CBFA2T3: variants seen among roughly 807,000 people sequenced by gnomAD.
CBFA2T3 encodes the protein transcriptional corepressor CBFA2T3.
Under a neutral mutation model 58.6 loss-of-function variants are expected in CBFA2T3, and 31 were observed. The observed-to-expected ratio is 0.53, with a 90% CI of 0.40 to 0.71. CBFA2T3 has a LOEUF of 0.71. Ranked by LOEUF, CBFA2T3 falls within the 30% of genes least tolerant of loss-of-function variation. CBFA2T3 has a pLI of 0.00. For missense variants in CBFA2T3, 1,076 were observed against 963.1 expected (o/e 1.12, Z -1.55); for synonymous variants, 531 against 421.9 (o/e 1.26, Z -3.17).
intron 1 of CBFA2T3, among the ~76,000 whole-genome samples, chr16:88,920,586 G>C (rs920721618): frequency 7.2e-5 from 11 of 152,180 alleles, no homozygotes; most frequent in African/African-American, 2.7e-4. Context: ...CCCCTGGCCA[G>C]GAATATTTCA....
intron 2 of CBFA2T3, among the ~76,000 whole-genome samples, chr16:88,899,968 C>T (rs977617239): frequency 9.2e-5 from 14 of 152,280 alleles, no homozygotes; most frequent in African/African-American, 3.4e-4. Flanking sequence ...AGGGCTCTTC[C>T]GAAGAGAGGG....
chr16:88,919,081 C>A (rs1970830490), intron 1 of CBFA2T3, among the ~76,000 whole-genome samples: 1 of 152,210 alleles, frequency 6.6e-6, no homozygotes, highest in African/African-American at 2.4e-5. Context: ...CTGGTCGAAG[C>A]AAGCATTAGG....
chr16:88,882,436 TGTGGCTGTGTGCGTGGGC>T (rs1220924197), intron 8 of CBFA2T3, among the ~76,000 whole-genome samples: 174 of 147,052 alleles, frequency 1.2e-3, no homozygotes, highest in East Asian at 4.2e-3. Context: ...TGTGTGTGGG[TGTGGCTGTGTGCGTGGGC>T]GTGGCTGTGT....
intron 1 of CBFA2T3, among the ~76,000 whole-genome samples, chr16:88,932,317 T>C (rs1971340004): frequency 6.7e-6 from 1 of 149,142 alleles, no homozygotes; most frequent in Non-Finnish European, 1.5e-5. Context: ...GAGGCCGCCC[T>C]GGCGCTGGAC....
intron 1 of CBFA2T3, among the ~76,000 whole-genome samples, chr16:88,942,140 G>C (rs756884625): frequency 2.0e-5 from 3 of 152,180 alleles, no homozygotes; most frequent in Non-Finnish European, 2.9e-5. Flanking sequence ...GCCCCGAGCC[G>C]CTGCTCTGCC....
Position 88,877,197 on chromosome 16 carries a change from G to A in CBFA2T3, c.1741C>T (p.Gln581Ter). Reference sequence around the variant, plus strand: ...TGATGCTTCTCCCAGTCCCGATGCTGGCAGAAGGACCCGCAGTAGCGTGCC... The same window carrying A: ...TGATGCTTCTCCCAGTCCCGATGCTAGCAGAAGGACCCGCAGTAGCGTGCC... ...NAARYCGSFC[Q>*]HRDWEKHHHV... Residue 581 changes from glutamine to a stop codon, truncating the protein, a stop_gained, in exon 12 of 12, where the codon CAG (glutamine) becomes TAG (stop). Transcript: ENST00000268679. LOFTEE classifies it low-confidence loss of function (END_TRUNC). The A allele has an allele frequency of 6.4e-7, 1 of 1,555,748 alleles. No individual in the cohort carries two copies. The highest frequency in any genetic ancestry group is 8.7e-7 in the Non-Finnish European group (1 of 1,150,180).
In CBFA2T3 at chr16:88,879,435, C is replaced by T. The variant is rs1968976525; in HGVS notation, c.1497G>A (p.Arg499=). 2 of 1,612,444 alleles carry T rather than the reference C, an allele frequency of 1.2e-6. No homozygotes were observed. The highest frequency in any genetic ancestry group is 2.2e-5 in the East Asian group (1 of 44,876). The change falls in exon 11 of 12, where the codon CGG becomes CGA. Residue 499 remains arginine, a synonymous_variant. Coordinates refer to ENST00000268679, the MANE Select transcript of CBFA2T3 (RefSeq NM_005187.6). ...CTTTCTGCAGCTCCGACATGGCCTG[C>T]CGCTTCACCTCATTCACGGCCTCTT... ...KAEEAVNEVK[R]QAMSELQKAV... is the part of the protein sequence containing the mutation.
intron 11 of CBFA2T3, among the ~76,000 whole-genome samples, chr16:88,879,062 C>T (rs1420971246): frequency 2.6e-5 from 4 of 152,216 alleles, no homozygotes; most frequent in African/African-American, 4.8e-5. Flanking sequence ...AACTACAGAA[C>T]GGGGACATCC....
Position 88,882,767 on chromosome 16 carries a change from G to C in CBFA2T3, c.1118-6C>G. 6.4e-7 allele frequency: 1 copy of C among 1,555,682 alleles called. No homozygotes were observed. ...CTGCCGGGACCCAGGCACCACTGTG[G>C]ATGGGGGAGGTGCACGCTTAGGTCC... On this transcript the variant is annotated splice_polypyrimidine_tract_variant and splice_region_variant and intron_variant, in intron 7 of 11. Coordinates refer to ENST00000268679, the MANE Select transcript of CBFA2T3 (RefSeq NM_005187.6).
chr16:88,911,373 G>A (rs975128790), intron 1 of CBFA2T3, among the ~76,000 whole-genome samples: 9 of 152,238 alleles, frequency 5.9e-5, no homozygotes, highest in African/African-American at 1.9e-4. Flanking sequence ...CCCCAAATGT[G>A]TATGAGTCTC....
chr16:88,975,636 A>G (rs1453837581), intron 1 of CBFA2T3, among the ~76,000 whole-genome samples: 2 of 152,268 alleles, frequency 1.3e-5, no homozygotes, highest in Non-Finnish European at 2.9e-5. Flanking sequence ...AGAAACGAAC[A>G]GTAGCACTGG....
chr16:88,965,888 C>T (rs762599491), intron 1 of CBFA2T3, among the ~76,000 whole-genome samples: 4 of 152,326 alleles, frequency 2.6e-5, no homozygotes, highest in Middle Eastern at 3.4e-3. Context: ...ACAGAACCAC[C>T]GGCTTTGAGA....
intron 5 of CBFA2T3, among the ~76,000 whole-genome samples, chr16:88,890,199 G>A (rs557085029): frequency 6.6e-6 from 1 of 152,168 alleles, no homozygotes; most frequent in African/African-American, 2.4e-5. Context: ...ATTCCCCTGA[G>A]CCCGGGAGTG....
At chr16:88,893,237 G>A (rs1357999420) in intron 3 of CBFA2T3, among the ~76,000 whole-genome samples, 2 of 137,016 alleles carry the variant, frequency 1.5e-5, no homozygotes, top group Non-Finnish European at 1.5e-5. Flanking sequence ...ACACACAGGC[G>A]CCTCCCAGCC....
At chr16:88,975,829 C>T (rs887788914) in intron 1 of CBFA2T3, among the ~76,000 whole-genome samples, 10 of 152,260 alleles carry the variant, frequency 6.6e-5, no homozygotes, top group Non-Finnish European at 7.3e-5. Context: ...GGACACCCCT[C>T]GGTCCCGGGT....
At chr16:88,912,895 G>A (rs981950031) in intron 1 of CBFA2T3, among the ~76,000 whole-genome samples, 5 of 152,220 alleles carry the variant, frequency 3.3e-5, no homozygotes, top group Non-Finnish European at 7.3e-5. Context: ...ACCTCCCGGG[G>A]GTGCGTCTGA....
chr16:88,889,941 C>T (rs1462760409), intron 5 of CBFA2T3, among the ~76,000 whole-genome samples: 8 of 141,948 alleles, frequency 5.6e-5, no homozygotes, highest in African/African-American at 1.3e-4. Flanking sequence ...CCAGGGACGA[C>T]GCCGTGCGAT....
At position 88,877,261 on chromosome 16, in the gene CBFA2T3, G is replaced by A. The variant is rs974761490; in HGVS notation, c.1677C>T (p.Cys559=). 1.7e-5 allele frequency: 27 copies of A among 1,548,868 alleles called. No individual in the cohort carries two copies. Among genetic ancestry groups the A allele is most frequent in the Non-Finnish European group, 1.9e-5 (22 of 1,146,772 alleles). Reference sequence around the variant, plus strand: ...TGCACGTCTCACTGGCTTTCCGCCCGCAGTTCCAGCAGCTCTGGGTGGGGG... The same window carrying A: ...TGCACGTCTCACTGGCTTTCCGCCCACAGTTCCAGCAGCTCTGGGTGGGGG... The part of the protein sequence containing the change: ...QEDSSESCWN[C]GRKASETCSG... The change falls in exon 12 of 12, where the codon TGC becomes TGT. Residue 559 remains cysteine (C), a synonymous_variant. Coordinates refer to ENST00000268679, the MANE Select transcript of CBFA2T3 (RefSeq NM_005187.6).
rs532441636 is a variant in CBFA2T3, at chr16:88,880,432, G to A, written c.1471+288C>T. 1.1e-4 allele frequency among the ~76,000 whole-genome samples: 17 copies of A among 152,342 alleles called. No individual in the cohort carries two copies. In the South Asian group the frequency reaches 2.9e-3, roughly 26 times the overall value. ...CGCGTGCCTGACGCGCCCAGGCTCC[G>A]AGTGTGTGCGCTTCTGCGTGCCCTC... On this transcript the variant is annotated intron_variant, in intron 10 of 11. Transcript: ENST00000268679.
Sources: gnomAD v4.1 joint callset for allele counts (sites outside exome capture counted in the v4.1 genomes callset) on GRCh38, gnomAD v4.1.1 for gene constraint, MANE v1.5 for transcripts, NCBI Gene and HGNC (gene_info 2026-07-23, HGNC 2026-07-21) for gene names.